The following OSBP2 variants were observed in gnomAD, a reference collection of about 807,000 sequenced individuals.
The protein encoded by OSBP2 is oxysterol binding protein 2.
OSBP2 carries 66 observed loss-of-function variants against 96.0 expected under a neutral mutation model. The ratio of observed to expected loss-of-function variants is 0.69; its 90% CI spans 0.56 to 0.84. The LOEUF (loss-of-function observed/expected upper bound fraction) is 0.84. Among genes scored for constraint, OSBP2 ranks in the 40% least tolerant of loss-of-function variants. OSBP2 has a pLI of 0.00. For synonymous variants in OSBP2, 525 were observed against 520.9 expected, an observed-to-expected ratio of 1.01 and a Z score of -0.11; for missense variants, 1,038 against 1,222.7, an observed-to-expected ratio of 0.85 and a Z score of 2.25.
intron 2 of OSBP2, among the ~76,000 whole-genome samples, chr22:30,749,697 TC>T (rs1186324144): frequency 1.3e-5 from 2 of 152,128 alleles, no homozygotes; most frequent in Non-Finnish European, 2.9e-5. Context: ...AACCTCCGCC[TC>T]CCAGGTTCAA....
In OSBP2 at chr22:30,832,272, A is replaced by G. The variant is rs149739619; in HGVS notation, c.854-38157A>G. On this transcript the variant is annotated intron_variant, in intron 2 of 13. Coordinates refer to ENST00000332585, the MANE Select transcript of OSBP2 (RefSeq NM_030758.4). ...TGTAAATGATATGAACTATGCAGTT[A>G]ATTTTCTTTTTCTTTTTTCTTTTCT... Among the ~76,000 whole-genome samples the G allele has an allele frequency of 2.1e-3, 326 of 152,048 alleles. 1 individual carries two copies. Among genetic ancestry groups the G allele is most frequent in the Middle Eastern group, 3.4e-3 (1 of 294 alleles).
chr22:30,870,682 C>T lies in OSBP2; in HGVS notation c.1107C>T (p.Asn369=), dbSNP rs200957023. ...GCATCACATCCAATGCTATGATCAA[C>T]GTGAGTACCCACCCCCACCGCCCTG... ...LFRITSNAMI[N]ACRDFLELAE... is the part of the protein sequence containing the mutation. The change falls in exon 3 of 14, where the codon AAC becomes AAT. Residue 369 remains asparagine (N), a splice_region_variant and synonymous_variant. Coordinates refer to ENST00000332585, the MANE Select transcript of OSBP2 (RefSeq NM_030758.4). The surrounding 1 kb of genome is among the most constrained non-coding windows in gnomAD (Gnocchi z 4.1). 209 of 1,611,372 alleles carry T rather than the reference C, an allele frequency of 1.3e-4. 1 individual carries two copies. Among genetic ancestry groups the T allele is most frequent in the South Asian group, 9.2e-4 (84 of 91,062 alleles).
intron 1 of OSBP2, among the ~76,000 whole-genome samples, chr22:30,709,706 ATT>A (rs571759211): frequency 1.3e-5 from 2 of 148,882 alleles, no homozygotes; most frequent in African/African-American, 5.0e-5. Flanking sequence ...TTTAAAAAAA[ATT>A]TTTTTTTTTT....
At chr22:30,767,307 C>CG (rs2090287673) in intron 2 of OSBP2, among the ~76,000 whole-genome samples, 1 of 151,340 alleles carries the variant, frequency 6.6e-6, no homozygotes, top group Non-Finnish European at 1.5e-5. Context: ...AAGACTTTCT[C>CG]TCTCTTAAAA....
intron 1 of OSBP2, among the ~76,000 whole-genome samples, chr22:30,701,231 C>T (rs569023355): frequency 4.7e-4 from 71 of 152,232 alleles, no homozygotes; most frequent in African/African-American, 1.3e-3. Flanking sequence ...ATTGTGTACT[C>T]ACCCTTCCCA....
rs904148361 is a variant in OSBP2 at position 30,906,852 on chromosome 22, G to A, written c.*513G>A. 6.5e-6 allele frequency: 1 copy of A among 152,856 alleles called. No individual in the cohort carries two copies. Among genetic ancestry groups the A allele is most frequent in the African/African-American group, 2.4e-5 (1 of 41,480 alleles). 9.5% of individuals were successfully genotyped at this position (152,856 alleles called of 1,614,324 possible). A position where few individuals can be genotyped will look rare whatever the true frequency, so the allele number is the denominator to read the frequency against. On this transcript the variant is annotated 3_prime_UTR_variant, in exon 14 of 14. Transcript: ENST00000332585. ...GAGCCCCTTATTTTTAAGACATCAG[G>A]AAGCCAGACCGCTTTGAGTTGGGAG...
At chr22:30,811,336 ATTT>A (rs1569133756) in intron 2 of OSBP2, among the ~76,000 whole-genome samples, 4 of 16,534 alleles carry the variant, frequency 2.4e-4, no homozygotes, top group East Asian at 4.5e-3. Flanking sequence ...TATTTATTTT[ATTT>A]ATTTATTTAT....
At chr22:30,838,114 G>T (rs952488834) in intron 2 of OSBP2, among the ~76,000 whole-genome samples, 3 of 152,186 alleles carry the variant, frequency 2.0e-5, no homozygotes, top group African/African-American at 4.8e-5. Context: ...GAACTGTGAG[G>T]TTCAGCAAAC....
At chr22:30,874,713 T>C (rs1341918132) in intron 3 of OSBP2, among the ~76,000 whole-genome samples, 1 of 152,230 alleles carries the variant, frequency 6.6e-6, no homozygotes, top group Non-Finnish European at 1.5e-5. Context: ...ATTGGGAATC[T>C]GGAACAGCAA....
At chr22:30,792,066 C>G (rs1201488770) in intron 2 of OSBP2, among the ~76,000 whole-genome samples, 5 of 152,104 alleles carry the variant, frequency 3.3e-5, no homozygotes, top group Non-Finnish European at 7.4e-5. Context: ...AATCCCAGCA[C>G]TTTGGGAGGC....
intron 12 of OSBP2, among the ~76,000 whole-genome samples, chr22:30,894,800 G>A (rs2040026689): frequency 6.6e-6 from 1 of 152,196 alleles, no homozygotes; most frequent in Non-Finnish European, 1.5e-5. Flanking sequence ...AACAGAAATG[G>A]GAGCTTGAAG....
chr22:30,772,585 C>G (rs571762274), intron 2 of OSBP2, among the ~76,000 whole-genome samples: 1 of 152,300 alleles, frequency 6.6e-6, no homozygotes, highest in South Asian at 2.1e-4. Flanking sequence ...TCCTACCTGT[C>G]CTAGGAGCAG....
chr22:30,901,021 A>G (rs564346224), intron 12 of OSBP2, among the ~76,000 whole-genome samples: 1 of 152,380 alleles, frequency 6.6e-6, no homozygotes, highest in African/African-American at 2.4e-5. Flanking sequence ...ATTATCAAGA[A>G]TACAGAGTAT....
rs1331546052 is a variant in OSBP2 at position 30,871,943 on chromosome 22, G to A, written c.1107+1261G>A. On this transcript the variant is annotated intron_variant, in intron 3 of 13. Transcript: ENST00000332585. This position sits in a 1 kb window ranked among gnomAD's most constrained non-coding sequence, Gnocchi z 4.7. ...CCTGGAGCACCCAAATGCAGCCTTG[G>A]GAATCCCACCCTGGGGCCTGAGGCT... Among the ~76,000 whole-genome samples, 3 of 152,246 alleles carry A rather than the reference G, an allele frequency of 2.0e-5. No individual in the cohort carries two copies. The highest frequency in any genetic ancestry group is 7.2e-5 in the African/African-American group (3 of 41,464).
At chr22:30,846,216 G>A (rs2038867544) in intron 2 of OSBP2, among the ~76,000 whole-genome samples, 2 of 151,784 alleles carry the variant, frequency 1.3e-5, no homozygotes, top group Admixed American at 1.3e-4. Flanking sequence ...GTGTAATCTT[G>A]GCTCACTGCA....
chr22:30,898,277 C>T (rs761362785), intron 12 of OSBP2, among the ~76,000 whole-genome samples: 1 of 151,784 alleles, frequency 6.6e-6, no homozygotes, highest in Non-Finnish European at 1.5e-5. Flanking sequence ...CACTTGAGCC[C>T]AGGAGGTCGA....
intron 3 of OSBP2, among the ~76,000 whole-genome samples, chr22:30,874,176 G>A (rs55789500): frequency 0.058 from 8,763 of 152,272 alleles, 310 homozygotes; most frequent in Middle Eastern, 0.13. Context: ...GGCAGAGGTT[G>A]CAGTGAGCCA....
intron 2 of OSBP2, among the ~76,000 whole-genome samples, chr22:30,749,177 G>T (rs2090043185): frequency 1.3e-5 from 2 of 152,208 alleles, no homozygotes; most frequent in Middle Eastern, 3.4e-3. Context: ...TTAACTAGTG[G>T]CAGGCTATTA....
intron 2 of OSBP2, among the ~76,000 whole-genome samples, chr22:30,761,165 CAG>C (rs2090200482): frequency 6.6e-6 from 1 of 152,126 alleles, no homozygotes; most frequent in Non-Finnish European, 1.5e-5. Flanking sequence ...AAGAAAGAAA[CAG>C]AGCTATCCCT....
Sources: allele counts gnomAD v4.1 joint callset (sites outside exome capture counted in the v4.1 genomes callset), GRCh38; gene constraint gnomAD v4.1.1; non-coding constraint Gnocchi (gnomAD v3.1); transcripts MANE v1.5; gene names NCBI Gene and HGNC (gene_info 2026-07-23, HGNC 2026-07-21).